The following AP1G2 variants were observed in gnomAD, a reference collection of about 807,000 sequenced individuals.
The protein encoded by AP1G2 is adaptor related protein complex 1 subunit gamma 2.
Under a neutral mutation model 95.8 loss-of-function variants are expected in AP1G2, and 85 were observed. The observed-to-expected ratio is 0.89, with a 90% confidence interval of 0.74 to 1.06. The LOEUF is 1.06. AP1G2 is among the 50% of genes least tolerant of loss of function. The probability of loss-of-function intolerance (pLI) is 0.00; values close to 1 mark genes in which losing one functional copy is unlikely to be tolerated. For missense variants in AP1G2, 967 were observed against 1,005.8 expected (o/e 0.96, Z 0.52); for synonymous variants, 378 against 400.0 (o/e 0.94, Z 0.66).
At chr14:23,565,309 C>G (rs747040773) in intron 7 of AP1G2, 110 bp from the exon 8 acceptor site, 13 of 1,127,194 alleles carry the variant, frequency 1.2e-5, no homozygotes, top group Non-Finnish European at 1.6e-5. Flanking sequence ...CTAGAGCCTT[C>G]CCCCACCTCC....
At chr14:23,565,044 G>A (rs1041443655) in intron 8 of AP1G2, 75 bp downstream of exon 8, 28 of 1,383,462 alleles carry the variant, frequency 2.0e-5, no homozygotes, top group African/African-American at 1.9e-4. Context: ...GCACAGTGAC[G>A]AGTCATGTGA....
Position 23,567,551 on chromosome 14 carries a change from T to G in AP1G2, c.-6+188A>C. The G allele has an allele frequency of 7.5e-7, 1 of 1,324,974 alleles. No homozygotes were observed. The highest frequency in any genetic ancestry group is 9.6e-7 in the Non-Finnish European group (1 of 1,043,268). 82.1% of individuals were successfully genotyped at this position (1,324,974 alleles called of 1,614,324 possible). ...CACCGGCGCCCCTTCCTATTGAGCA[T>G]GCGCGGGAGCCCCACCTATTTCTCT... is the stretch of plus-strand genomic sequence containing the variant. On this transcript the variant is annotated intron_variant, in intron 1 of 21. Transcript: ENST00000397120. The surrounding 1 kb of genome is among the most constrained non-coding windows in gnomAD (Gnocchi z 5.3).
At position 23,563,737 on chromosome 14, in the gene AP1G2, C is replaced by T; in HGVS notation, c.1211G>A (p.Gly404Asp). The change falls in exon 12 of 22, where the codon GGC (glycine) becomes GAC (aspartate). Residue 404 changes from glycine (G) to aspartate (D), a missense_variant. Physicochemically the swap from Gly to Asp is moderately conservative, Grantham distance 94 (BLOSUM62 -1). Coordinates refer to ENST00000397120, the MANE Select transcript of AP1G2 (RefSeq NM_003917.5). ...PPDLRADCAS[G>D]ILLAAERFAP... ...TCACCTCTCTGCAGCCAGCAGGATG[C>T]CTGAGGCACAGTCAGCCCGTAGGTC... 3 of 1,614,196 alleles carry T rather than the reference C, an allele frequency of 1.9e-6. No individual in the cohort carries two copies. Among genetic ancestry groups the T allele is most frequent in the Admixed American group, 3.3e-5 (2 of 60,030 alleles).
At chr14:23,566,861 TAGG>T in intron 2 of AP1G2, 175 bp from the exon 3 acceptor site, 1 of 1,027,354 alleles carries the variant, frequency 9.7e-7, no homozygotes. Flanking sequence ...TAGGAGGAAC[TAGG>T]AGTTGAGGAG....
At chr14:23,565,966 G>T in intron 5 of AP1G2, 74 bp from the exon 6 acceptor site, 1 of 1,609,694 alleles carries the variant, frequency 6.2e-7, no homozygotes. Flanking sequence ...GCCTGTGTGT[G>T]TGCACTACCC....
At position 23,567,593 on chromosome 14, in the gene AP1G2, C is replaced by G. The variant is rs1203028019; in HGVS notation, c.-6+146G>C. 1.3e-5 allele frequency: 16 copies of G among 1,244,106 alleles called. No individual in the cohort carries two copies. The highest frequency in any genetic ancestry group is 1.4e-5 in the Non-Finnish European group (14 of 992,654). 77.1% of individuals were successfully genotyped at this position (1,244,106 alleles called of 1,614,324 possible). On this transcript the variant is annotated intron_variant, in intron 1 of 21. Transcript: ENST00000397120. This position sits in a 1 kb window ranked among gnomAD's most constrained non-coding sequence, Gnocchi z 5.3. ...TATTTCTCTCTACCGTTTCCTCCCC[C>G]TACCTGGTACCCCATCCCTAGCTCA...
chr14:23,561,911 G>A (rs751633676), intron 17 of AP1G2, 51 bp downstream of exon 17: 47 of 1,553,404 alleles, frequency 3.0e-5, no homozygotes, highest in Non-Finnish European at 4.1e-5. Flanking sequence ...AAGGGCATTT[G>A]GGAGAGGGCA....
chr14:23,566,755 C>T, intron 2 of AP1G2, 69 bp from the exon 3 acceptor site: 1 of 1,583,210 alleles, frequency 6.3e-7, no homozygotes, highest in Non-Finnish European at 8.6e-7. Context: ...CCTGTTCCAT[C>T]TTCCTCTTTA....
At chr14:23,560,532 A>G (rs1317726675) in intron 19 of AP1G2, 114 bp from the exon 20 acceptor site, 16 of 1,096,474 alleles carry the variant, frequency 1.5e-5, no homozygotes, top group Non-Finnish European at 2.0e-5. Context: ...TCGAAAGGCT[A>G]GTAACAAAGT....
rs1253200719 is a variant in AP1G2 at position 23,559,752 on chromosome 14, C to T, written c.2355G>A (p.Gln785=). ...TTCAGGCTGTGAGTGGAGACAGTTA[C>T]TGCCACGATTCCACAGGCAAGTTGT... is the stretch of plus-strand genomic sequence containing the variant. ...EVNNLPVESW[Q] Residue 785 remains glutamine (Q), a synonymous_variant, in exon 22 of 22, where the codon CAG becomes CAA. Transcript: ENST00000397120. 17 of 1,613,916 alleles carry T rather than the reference C, an allele frequency of 1.1e-5. No homozygotes were observed. In the East Asian group the frequency reaches 2.9e-4, roughly 27 times the overall value.
Position 23,564,646 on chromosome 14 carries a change from C to T in AP1G2, c.837G>A (p.Thr279=), listed in dbSNP as rs761329932. 8.1e-6 allele frequency: 13 copies of T among 1,613,642 alleles called. No individual in the cohort carries two copies. Among genetic ancestry groups the T allele is most frequent in the Middle Eastern group, 3.5e-4 (2 of 5,790 alleles). The change falls in exon 9 of 22, where the codon ACG becomes ACA. Residue 279 remains threonine, a synonymous_variant. Transcript: ENST00000397120. ...CATTTCCGGCATTTCGGCTGGTGTC[C>T]GTGTTAGTGGCCACCTGAGTGGATG... The part of the protein sequence containing the change: ...NDLLAQVATN[T]DTSRNAGNAV...
Position 23,567,216 on chromosome 14 carries a change from G to T in AP1G2, c.99C>A (p.Ala33=). Residue 33 remains alanine, a synonymous_variant, in exon 2 of 22, where the codon GCC becomes GCA. Coordinates refer to ENST00000397120, the MANE Select transcript of AP1G2 (RefSeq NM_003917.5). The surrounding 1 kb of genome is among the most constrained non-coding windows in gnomAD (Gnocchi z 5.3). The part of the protein sequence containing the change: ...QEREVIQKEC[A]HIRASFRDGD... ...CGTCGCGGAAGGAGGCCCGGATGTG[G>T]GCACACTCCTTTTGGATCACCTCCC... 6.2e-7 allele frequency: 1 copy of T among 1,612,776 alleles called. No individual in the cohort carries two copies. The highest frequency in any genetic ancestry group is 8.5e-7 in the Non-Finnish European group (1 of 1,179,382).
At position 23,561,554 on chromosome 14, in the gene AP1G2, T is replaced by G; in HGVS notation, c.1815A>C (p.Ala605=). The change falls in exon 18 of 22, where the codon GCA becomes GCC. Residue 605 remains alanine (A), a synonymous_variant. Coordinates refer to ENST00000397120, the MANE Select transcript of AP1G2 (RefSeq NM_003917.5). The part of the protein sequence containing the change: ...ADEEAKESKE[A]AQLSEAAPVP... ...CTGGGGCTGCTTCTGAAAGCTGGGC[T>G]GCTTCTTTGCTTTCCTTTGCTTCCT... is the stretch of plus-strand genomic sequence containing the variant. 3.7e-6 allele frequency: 6 copies of G among 1,614,214 alleles called. No individual in the cohort carries two copies. Among genetic ancestry groups the G allele is most frequent in the Non-Finnish European group, 4.2e-6 (5 of 1,180,022 alleles).
rs150451648 is a variant in AP1G2 at position 23,563,453 on chromosome 14, A to G, written c.1337T>C (p.Ile446Thr). ...DDAVANLTQLIGGAQELHAYS... is the reference protein window; with the variant it reads ...DDAVANLTQLTGGAQELHAYS... Reference sequence around the variant, plus strand: ...GGCATGTAGCTCCTGGGCCCCCCCAATCAGCTGGGTCAGGTTGGCCACTGC... The same window carrying G: ...GGCATGTAGCTCCTGGGCCCCCCCAGTCAGCTGGGTCAGGTTGGCCACTGC... The change falls in exon 14 of 22, where the codon ATT becomes ACT. Residue 446 changes from isoleucine to threonine, a missense_variant. Coordinates refer to ENST00000397120, the MANE Select transcript of AP1G2 (RefSeq NM_003917.5). 127 of 1,613,674 alleles carry G rather than the reference A, an allele frequency of 7.9e-5. No homozygotes were observed. Among genetic ancestry groups the G allele is most frequent in the African/African-American group, 3.1e-4 (23 of 74,928 alleles).
At chr14:23,565,967 T>C (rs769988012) in intron 5 of AP1G2, 75 bp from the exon 6 acceptor site, 29 of 1,609,770 alleles carry the variant, frequency 1.8e-5, no homozygotes, top group Non-Finnish European at 2.0e-5. Context: ...CCTGTGTGTG[T>C]GCACTACCCT....
Position 23,564,528 on chromosome 14 carries a change from G to A in AP1G2, c.921+34C>T, listed in dbSNP as rs372761085. The stretch of plus-strand genomic sequence containing the variant: ...GACCTGTGTGGGTGAGGTGGTGGGC[G>A]GGGCCGTAGTGGGAGAGGCATAAGG... On this transcript the variant is annotated intron_variant, in intron 9 of 21. Coordinates refer to ENST00000397120, the MANE Select transcript of AP1G2 (RefSeq NM_003917.5). 3.9e-5 allele frequency: 63 copies of A among 1,607,168 alleles called. No homozygotes were observed. The Admixed American group carries it at 4.7e-4, about 12-fold the overall frequency.
rs767673496 is a variant in AP1G2, at chr14:23,566,569, T to A, written c.322A>T (p.Ile108Phe). The change falls in exon 3 of 22, where the codon ATC becomes TTC. Residue 108 changes from isoleucine to phenylalanine, a missense_variant. Ile to Phe is a conservative substitution (Grantham distance 21). Transcript: ENST00000397120. ...HDAHLLITNS[I>F]KNDLSQGIQP... Reference sequence around the variant, plus strand: ...TTGCCAGAACCCTCTCACTTCTTGATGCTGTTGGTAATGAGCAGGTGGGCA... The same window carrying A: ...TTGCCAGAACCCTCTCACTTCTTGAAGCTGTTGGTAATGAGCAGGTGGGCA... The A allele has an allele frequency of 1.9e-6, 3 of 1,614,024 alleles. No individual in the cohort carries two copies. The highest frequency in any genetic ancestry group is 2.7e-5 in the African/African-American group (2 of 74,920).
chr14:23,563,018 A>T, intron 14 of AP1G2: 1 of 1,093,054 alleles, frequency 9.1e-7, no homozygotes, highest in Non-Finnish European at 1.2e-6. Context: ...CACCCTATTT[A>T]ATTAAGATGG....
intron 5 of AP1G2, 49 bp from the exon 6 acceptor site, chr14:23,565,941 G>T (rs1448219924): frequency 6.2e-7 from 1 of 1,603,638 alleles, no homozygotes; most frequent in Middle Eastern, 1.7e-4. Flanking sequence ...GGGCAAGAGA[G>T]TCTATTGCGT....
Sources: allele counts gnomAD v4.1 joint callset, GRCh38; gene constraint gnomAD v4.1.1; non-coding constraint Gnocchi (gnomAD v3.1); transcripts MANE v1.5; gene names NCBI Gene and HGNC (gene_info 2026-07-23, HGNC 2026-07-21).